Variants in TMEM230 observed in about 807,000 individuals in gnomAD.
The protein encoded by TMEM230 is UPF0414 transmembrane protein C20orf30.
Under a neutral mutation model 15.8 loss-of-function variants are expected in TMEM230, and 10 were observed. That is an observed-to-expected ratio of 0.63 (90% CI 0.39 to 1.07). The LOEUF (loss-of-function observed/expected upper bound fraction) is 1.07. Among genes scored for constraint, TMEM230 ranks in the 50% least tolerant of loss-of-function variants. The pLI, the probability that TMEM230 is intolerant of heterozygous loss-of-function variation, is 0.01. For missense variants in TMEM230, 165 were observed against 193.3 expected, an observed-to-expected ratio of 0.85 and a Z score of 0.87; for synonymous variants, 67 against 76.9, an observed-to-expected ratio of 0.87 and a Z score of 0.68.
At chr20:5,090,776 G>T (rs1334814435) in intron 3 of TMEM230, among the ~76,000 whole-genome samples, 1 of 152,094 alleles carries the variant, frequency 6.6e-6, no homozygotes, top group Non-Finnish European at 1.5e-5. Flanking sequence ...GGGACTGAAA[G>T]CACGTGTCTG....
intron 3 of TMEM230, among the ~76,000 whole-genome samples, chr20:5,107,057 T>C (rs1193620646): frequency 6.6e-6 from 1 of 152,126 alleles, no homozygotes; most frequent in East Asian, 1.9e-4. Flanking sequence ...ATCCCAGCAA[T>C]GTGGGAGGCT....
At chr20:5,086,538 CAAAA>C (rs542162305) in intron 3 of TMEM230, among the ~76,000 whole-genome samples, 8 of 89,034 alleles carry the variant, frequency 9.0e-5, no homozygotes, top group East Asian at 3.1e-4. Flanking sequence ...GACTCTGTCT[CAAAA>C]AAAAAAAAAA....
intron 3 of TMEM230, among the ~76,000 whole-genome samples, chr20:5,088,699 A>C (rs921050181): frequency 1.3e-5 from 2 of 152,048 alleles, no homozygotes; most frequent in Admixed American, 6.6e-5. Context: ...ATTTTTTTGT[A>C]GATGGGGTCT....
At chr20:5,070,030 G>A (rs2088770844) in intron 3 of TMEM230, among the ~76,000 whole-genome samples, 1 of 152,066 alleles carries the variant, frequency 6.6e-6, no homozygotes, top group African/African-American at 2.4e-5. Context: ...TCTTTGAATT[G>A]GGGCTGACCT....
chr20:5,066,249 C>G (rs1490060659), downstream of TMEM230: 1 of 152,276 alleles, frequency 6.6e-6, no homozygotes. Context: ...GGGTGAGTCA[C>G]TCTTCTTTGG....
chr20:5,075,345 G>A (rs527490793), intron 3 of TMEM230, among the ~76,000 whole-genome samples: 3 of 151,702 alleles, frequency 2.0e-5, no homozygotes, highest in Non-Finnish European at 4.4e-5. Context: ...GATTACAGGC[G>A]TAAGCCACCG....
chr20:5,108,141 T>C (rs1279024266), intron 3 of TMEM230, among the ~76,000 whole-genome samples: 1 of 150,556 alleles, frequency 6.6e-6, no homozygotes, highest in Non-Finnish European at 1.5e-5. Context: ...AACAAGAGGC[T>C]GGGCAAGGTG....
In TMEM230 at chr20:5,106,321, A is replaced by T; in HGVS notation, c.289-11T>A. 6.3e-7 allele frequency: 1 copy of T among 1,589,482 alleles called. No homozygotes were observed. Among genetic ancestry groups the T allele is most frequent in the Non-Finnish European group, 8.5e-7 (1 of 1,172,098 alleles). Reference sequence around the variant, plus strand: ...AGGGGTTTTCTTAAACTGGAAGAGAAATAGAGATGAAAAAGACAACGAAGA... The same window carrying T: ...AGGGGTTTTCTTAAACTGGAAGAGATATAGAGATGAAAAAGACAACGAAGA... On this transcript the variant is annotated splice_polypyrimidine_tract_variant and intron_variant, in intron 3 of 4. Transcript: ENST00000342308.
At chr20:5,071,860 C>A (rs2088840062) in intron 3 of TMEM230, among the ~76,000 whole-genome samples, 1 of 151,934 alleles carries the variant, frequency 6.6e-6, no homozygotes, top group South Asian at 2.1e-4. Context: ...CATGCCTCAG[C>A]CTCCAAGTAG....
intron 3 of TMEM230, among the ~76,000 whole-genome samples, chr20:5,082,642 C>T (rs1392843663): frequency 6.6e-6 from 1 of 152,010 alleles, no homozygotes; most frequent in Non-Finnish European, 1.5e-5. Context: ...AGGGTTTCAC[C>T]ATGTTGGCCA....
intron 3 of TMEM230, among the ~76,000 whole-genome samples, chr20:5,082,808 G>A (rs916926026): frequency 2.0e-5 from 3 of 151,762 alleles, no homozygotes; most frequent in Non-Finnish European, 4.4e-5. Flanking sequence ...CTTTGGCTTT[G>A]TTCAATCAAA....
chr20:5,103,566 G>C (rs1307146308), intron 4 of TMEM230, among the ~76,000 whole-genome samples: 1 of 151,696 alleles, frequency 6.6e-6, no homozygotes, highest in African/African-American at 2.4e-5. Flanking sequence ...GGGAGGCTGA[G>C]GTTGCAGTGA....
chr20:5,106,269 T>C lies in TMEM230; in HGVS notation c.330A>G (p.Ala110=), dbSNP rs6107576. 37,489 of 1,613,802 alleles carry C rather than the reference T, an allele frequency of 0.023. 2,806 individuals are homozygous for C. The African/African-American group carries it at 0.26, about 11-fold the overall frequency. The change falls in exon 4 of 5, where the codon GCA becomes GCG. Residue 110 remains alanine (A), a synonymous_variant. Coordinates refer to ENST00000342308, the MANE Select transcript of TMEM230 (RefSeq NM_001009923.2). ...CAATCAAAAACAGCACAGTGGCAAG[T>C]GCGATGGCCTTATAAGGGATCTTAG...
chr20:5,099,247 TAATA>T (rs1482788395), downstream of TMEM230, among the ~76,000 whole-genome samples: 1 of 95,738 alleles, frequency 1.0e-5, no homozygotes, highest in Non-Finnish European at 2.6e-5. Flanking sequence ...AATCAATCAA[TAATA>T]AATAAAAAAA....
chr20:5,098,191 G>T (rs890128738), downstream of TMEM230, among the ~76,000 whole-genome samples: 2 of 151,270 alleles, frequency 1.3e-5, no homozygotes, highest in African/African-American at 4.9e-5. Flanking sequence ...TGGTCAGGAC[G>T]GTCAAACTCC....
At chr20:5,065,500 C>T (rs1391368940), downstream of TMEM230, among the ~76,000 whole-genome samples, 1 of 152,188 alleles carries the variant, frequency 6.6e-6, no homozygotes, top group African/African-American at 2.4e-5. Context: ...CAAAGTCCCT[C>T]TAATGATCTC....
Position 5,101,078 on chromosome 20 carries a change from T to A in TMEM230, c.412-147A>T, listed in dbSNP as rs2089841232. On this transcript the variant is annotated intron_variant, in intron 4 of 4. Coordinates refer to ENST00000342308, the MANE Select transcript of TMEM230 (RefSeq NM_001009923.2). ...TATACCACCAAGGGAAAAGGTTTCC[T>A]CCTGATTATAAATTGAAGACAAACT... The A allele has an allele frequency of 1.4e-5, 14 of 1,022,770 alleles. 1 individual carries two copies. The South Asian group carries it at 3.2e-4, about 23-fold the overall frequency. The allele number at this position is 1,022,770 out of a possible 1,614,324, so 63.4% of individuals were successfully genotyped here.
At chr20:5,063,584 C>T (rs746272214), downstream of TMEM230, among the ~76,000 whole-genome samples, 21 of 152,128 alleles carry the variant, frequency 1.4e-4, no homozygotes, top group East Asian at 3.9e-4. Context: ...CCACCATGGC[C>T]GGCCTGCTAT....
rs921351609 is a variant in TMEM230 at position 5,100,270 on chromosome 20, G to A, written c.*521C>T. The A allele has an allele frequency of 1.0e-6, 1 of 985,160 alleles. No individual in the cohort carries two copies. Among genetic ancestry groups the A allele is most frequent in the African/African-American group, 1.7e-5 (1 of 57,216 alleles). 61.0% of individuals were successfully genotyped at this position (985,160 alleles called of 1,614,324 possible). The stretch of plus-strand genomic sequence containing the variant: ...CAGGATAAAAAAATTCCTGGTTGCT[G>A]TCAGTAAGAAAGCAAGTAAAAAAAA... On this transcript the variant is annotated 3_prime_UTR_variant, in exon 5 of 5. Coordinates refer to ENST00000342308, the MANE Select transcript of TMEM230 (RefSeq NM_001009923.2).
Sources: allele counts gnomAD v4.1 joint callset (sites outside exome capture counted in the v4.1 genomes callset), GRCh38; gene constraint gnomAD v4.1.1; transcripts MANE v1.5; gene names NCBI Gene and HGNC (gene_info 2026-07-23, HGNC 2026-07-21).